The following RIT2 variants were observed in gnomAD, a reference collection of about 807,000 sequenced individuals.
The protein encoded by RIT2 is GTP-binding protein Rit2.
RIT2 carries 24 observed loss-of-function variants against 23.7 expected under a neutral mutation model. The observed-to-expected ratio is 1.01, with a 90% confidence interval of 0.73 to 1.43. RIT2 has a LOEUF of 1.43. RIT2 is among the 40% of genes most tolerant of loss of function. RIT2 has a pLI of 0.00. For synonymous variants in RIT2, 107 were observed against 91.1 expected, an observed-to-expected ratio of 1.17 and a Z score of -0.99; for missense variants, 236 against 266.9, an observed-to-expected ratio of 0.88 and a Z score of 0.81.
chr18:42,764,340 C>T (rs1913372377), intron 4 of RIT2, among the ~76,000 whole-genome samples: 1 of 152,188 alleles, frequency 6.6e-6, no homozygotes, highest in Non-Finnish European at 1.5e-5. Context: ...TCCCTCCATG[C>T]CTGCCTATCC....
intron 4 of RIT2, among the ~76,000 whole-genome samples, chr18:42,784,316 G>A (rs1913878383): frequency 6.6e-6 from 1 of 150,936 alleles, no homozygotes; most frequent in Non-Finnish European, 1.5e-5. Context: ...AAAGATAAAG[G>A]CAAGAGAATG....
chr18:42,851,633 C>G (rs555832167), intron 4 of RIT2, among the ~76,000 whole-genome samples: 1 of 152,108 alleles, frequency 6.6e-6, no homozygotes, highest in African/African-American at 2.4e-5. Flanking sequence ...AGGTGGATCC[C>G]GAGGTCAGGA....
At chr18:42,921,227 C>A (rs1359147312) in intron 4 of RIT2, among the ~76,000 whole-genome samples, 2 of 152,094 alleles carry the variant, frequency 1.3e-5, no homozygotes, top group African/African-American at 2.4e-5. Context: ...ACAACCACAG[C>A]CAGAAGCCAA....
intron 4 of RIT2, among the ~76,000 whole-genome samples, chr18:42,829,554 T>C (rs1483923696): frequency 1.3e-5 from 2 of 152,144 alleles, no homozygotes; most frequent in African/African-American, 4.8e-5. Context: ...CTAGAGAGCA[T>C]ACAATGGCAA....
At chr18:42,969,668 T>C (rs1910317123) in intron 3 of RIT2, among the ~76,000 whole-genome samples, 1 of 149,494 alleles carries the variant, frequency 6.7e-6, no homozygotes, top group South Asian at 2.1e-4. Flanking sequence ...TATGTTAGCA[T>C]TTCAAAAAAA....
intron 1 of RIT2, among the ~76,000 whole-genome samples, chr18:43,079,881 G>C (rs559505596): frequency 2.6e-5 from 4 of 152,278 alleles, no homozygotes; most frequent in African/African-American, 9.6e-5. Flanking sequence ...AGGCACCTGA[G>C]CTTCAGTGTC....
chr18:42,836,189 C>A (rs1480112015), intron 4 of RIT2, among the ~76,000 whole-genome samples: 1 of 152,154 alleles, frequency 6.6e-6, no homozygotes, highest in East Asian at 1.9e-4. Flanking sequence ...AATCTTTCAT[C>A]TCATACTTGA....
At chr18:42,978,210 T>C (rs1455188799) in intron 2 of RIT2, among the ~76,000 whole-genome samples, 1 of 151,960 alleles carries the variant, frequency 6.6e-6, no homozygotes, top group Non-Finnish European at 1.5e-5. Context: ...ATGAAACGTA[T>C]ATCAAATAAA....
At chr18:43,046,598 C>G (rs192840411) in intron 1 of RIT2, among the ~76,000 whole-genome samples, 53 of 152,268 alleles carry the variant, frequency 3.5e-4, no homozygotes, top group Admixed American at 3.1e-3. Flanking sequence ...ACAGGGTCTT[C>G]CACAGTCAAC....
At chr18:42,837,064 C>T (rs916312900) in intron 4 of RIT2, among the ~76,000 whole-genome samples, 15 of 151,144 alleles carry the variant, frequency 9.9e-5, no homozygotes, top group East Asian at 1.9e-4. Context: ...TCACATCAAG[C>T]GCTCTTTAAT....
intron 1 of RIT2, among the ~76,000 whole-genome samples, chr18:43,069,490 G>A (rs192623702): frequency 2.6e-5 from 4 of 152,182 alleles, no homozygotes; most frequent in African/African-American, 7.2e-5. Flanking sequence ...TTGGAAATAC[G>A]ATGTTATCAT....
chr18:42,820,399 C>T (rs1012485155), intron 4 of RIT2, among the ~76,000 whole-genome samples: 2 of 152,028 alleles, frequency 1.3e-5, no homozygotes, highest in African/African-American at 4.8e-5. Context: ...AATTATCTTT[C>T]ATTCATCTCT....
At chr18:43,032,095 T>A (rs988627748) in intron 2 of RIT2, among the ~76,000 whole-genome samples, 3 of 152,136 alleles carry the variant, frequency 2.0e-5, no homozygotes, top group Non-Finnish European at 2.9e-5. Context: ...AAGTACTCTA[T>A]GTTTCCATTT....
intron 4 of RIT2, among the ~76,000 whole-genome samples, chr18:42,794,843 G>A (rs1459440200): frequency 2.0e-5 from 3 of 152,148 alleles, no homozygotes. Context: ...CTTTTAGCCT[G>A]ATGAGAAATA....
intron 1 of RIT2, among the ~76,000 whole-genome samples, chr18:43,106,631 T>C (rs906776031): frequency 6.6e-6 from 1 of 152,152 alleles, no homozygotes; most frequent in African/African-American, 2.4e-5. Flanking sequence ...AGTCCCCCAC[T>C]CCCCCTTCGG....
intron 3 of RIT2, among the ~76,000 whole-genome samples, chr18:42,957,102 A>C (rs1025739868): frequency 1.3e-5 from 2 of 152,224 alleles, no homozygotes; most frequent in African/African-American, 4.8e-5. Flanking sequence ...GTTTTAAATG[A>C]TACATACATT....
At chr18:42,755,801 CAAATT>C (rs1913149016) in intron 4 of RIT2, among the ~76,000 whole-genome samples, 1 of 152,080 alleles carries the variant, frequency 6.6e-6, no homozygotes, top group Non-Finnish European at 1.5e-5. Context: ...GACAAATAGA[CAAATT>C]AAAAGGAAAT....
chr18:42,878,474 G>C (rs1319273017), intron 4 of RIT2, among the ~76,000 whole-genome samples: 2 of 151,822 alleles, frequency 1.3e-5, no homozygotes, highest in African/African-American at 4.8e-5. Context: ...GGAGAGGCTG[G>C]TCTTACTATC....
chr18:43,025,082 C>T (rs1911682130), intron 2 of RIT2, among the ~76,000 whole-genome samples: 1 of 151,872 alleles, frequency 6.6e-6, no homozygotes, highest in South Asian at 2.1e-4. Flanking sequence ...GTGGCACGTG[C>T]CTGTAATCAC....
Sources: gnomAD v4.1 joint callset for allele counts (sites outside exome capture counted in the v4.1 genomes callset) on GRCh38, gnomAD v4.1.1 for gene constraint, MANE v1.5 for transcripts, NCBI Gene and HGNC (gene_info 2026-07-23, HGNC 2026-07-21) for gene names.